RABGAP1L: variants seen among roughly 807,000 people sequenced by gnomAD.
RABGAP1L encodes the protein rab GTPase-activating protein 1-like.
Under a neutral mutation model 137.7 loss-of-function variants are expected in RABGAP1L, and 63 were observed. That is an observed-to-expected ratio of 0.46 (90% CI 0.37 to 0.56). The LOEUF (loss-of-function observed/expected upper bound fraction) is 0.56. Ranked by LOEUF, RABGAP1L falls within the 20% of genes least tolerant of loss-of-function variation. The probability of loss-of-function intolerance (pLI) is 0.00; values close to 1 mark genes in which losing one functional copy is unlikely to be tolerated. For synonymous variants in RABGAP1L, 431 were observed against 433.7 expected, an observed-to-expected ratio of 0.99 and a Z score of 0.08; for missense variants, 1,095 against 1,244.0, an observed-to-expected ratio of 0.88 and a Z score of 1.80.
intron 13 of RABGAP1L, among the ~76,000 whole-genome samples, chr1:174,618,785 A>G (rs1047145238): frequency 6.6e-6 from 1 of 152,232 alleles, no homozygotes; most frequent in African/African-American, 2.4e-5. Flanking sequence ...ACTAAGCTGG[A>G]TGGAGAATGA....
chr1:174,914,164 G>A (rs1660486796), intron 19 of RABGAP1L, among the ~76,000 whole-genome samples: 1 of 152,150 alleles, frequency 6.6e-6, no homozygotes, highest in South Asian at 2.1e-4. Flanking sequence ...CTAAAATCCA[G>A]TGGTTTTTCT....
intron 4 of RABGAP1L, among the ~76,000 whole-genome samples, chr1:174,237,031 C>G (rs1671258077): frequency 1.5e-5 from 2 of 135,740 alleles, no homozygotes; most frequent in South Asian, 2.5e-4. Flanking sequence ...TAATGGCCTT[C>G]TTTGTCTCTT....
At chr1:174,976,606 C>T (rs537940104) in intron 22 of RABGAP1L, among the ~76,000 whole-genome samples, 2 of 152,342 alleles carry the variant, frequency 1.3e-5, no homozygotes, top group Non-Finnish European at 2.9e-5. Context: ...AGTTGCCACA[C>T]AGCCCCTGCC....
intron 1 of RABGAP1L, among the ~76,000 whole-genome samples, chr1:174,202,558 G>C (rs1373294276): frequency 5.9e-5 from 9 of 152,022 alleles, no homozygotes; most frequent in Non-Finnish European, 1.2e-4. Context: ...TTAGCCCTTT[G>C]TCAGATGAGT....
chr1:174,851,723 G>T (rs545972368), intron 19 of RABGAP1L, among the ~76,000 whole-genome samples: 19 of 151,080 alleles, frequency 1.3e-4, no homozygotes, highest in African/African-American at 4.6e-4. Context: ...TCTCTCTGTG[G>T]TTGCCCAGGC....
At chr1:174,210,097 C>T (rs944813078) in intron 1 of RABGAP1L, among the ~76,000 whole-genome samples, 8 of 152,228 alleles carry the variant, frequency 5.3e-5, no homozygotes, top group African/African-American at 1.9e-4. Flanking sequence ...CACCTAAGTC[C>T]TTTTGAATGC....
intron 14 of RABGAP1L, among the ~76,000 whole-genome samples, chr1:174,641,077 A>G (rs898381825): frequency 1.3e-5 from 2 of 151,088 alleles, no homozygotes; most frequent in African/African-American, 2.4e-5. Flanking sequence ...ATTTTTGACA[A>G]TTCCTCATCA....
intron 13 of RABGAP1L, among the ~76,000 whole-genome samples, chr1:174,553,491 CCA>C (rs1482355649): frequency 1.3e-5 from 2 of 152,236 alleles, no homozygotes; most frequent in Non-Finnish European, 1.5e-5. Flanking sequence ...GTGAATTTTA[CCA>C]CACATTTTAG....
intron 13 of RABGAP1L, among the ~76,000 whole-genome samples, chr1:174,398,498 C>G (rs953371908): frequency 6.6e-6 from 1 of 151,958 alleles, no homozygotes; most frequent in Non-Finnish European, 1.5e-5. Flanking sequence ...GAGGGGCCCA[C>G]CACAAATAAC....
chr1:174,279,422 T>C (rs1294685082), intron 10 of RABGAP1L, among the ~76,000 whole-genome samples: 1 of 152,184 alleles, frequency 6.6e-6, no homozygotes, highest in Non-Finnish European at 1.5e-5. Context: ...TCTATTAGAA[T>C]AATGAACATC....
At chr1:174,336,853 ATGTGTGTGTGTG>A (rs148867931) in intron 11 of RABGAP1L, among the ~76,000 whole-genome samples, 3 of 146,468 alleles carry the variant, frequency 2.0e-5, no homozygotes, top group South Asian at 2.2e-4. Flanking sequence ...GTGTTTATAA[ATGTGTGTGTGTG>A]TGTGTGTGTG....
chr1:174,198,879 C>T (rs1331165077), intron 1 of RABGAP1L, among the ~76,000 whole-genome samples: 6 of 152,120 alleles, frequency 3.9e-5, no homozygotes, highest in East Asian at 1.9e-4. Context: ...GAGGCTGAGG[C>T]GGGTGGATCA....
chr1:174,608,000 T>A (rs1381448926), intron 13 of RABGAP1L, among the ~76,000 whole-genome samples: 1 of 152,144 alleles, frequency 6.6e-6, no homozygotes, highest in Non-Finnish European at 1.5e-5. Flanking sequence ...ATGTCGTGAA[T>A]CATGGCATTG....
intron 17 of RABGAP1L, among the ~76,000 whole-genome samples, chr1:174,724,217 G>C (rs536084745): frequency 6.6e-6 from 1 of 152,082 alleles, no homozygotes; most frequent in African/African-American, 2.4e-5. Flanking sequence ...TACATGATGT[G>C]GCTTTTTATA....
At chr1:174,752,806 T>G (rs1294395643) in intron 18 of RABGAP1L, among the ~76,000 whole-genome samples, 1 of 152,224 alleles carries the variant, frequency 6.6e-6, no homozygotes, top group African/African-American at 2.4e-5. Flanking sequence ...TGCAGTTCTT[T>G]CCATGATAGT....
At chr1:174,501,635 A>C (rs374854418) in intron 13 of RABGAP1L, among the ~76,000 whole-genome samples, 1 of 152,360 alleles carries the variant, frequency 6.6e-6, no homozygotes. Flanking sequence ...TTGCTGGCTT[A>C]AAAAATAATT....
At chr1:174,449,427 G>A (rs917786807) in intron 13 of RABGAP1L, among the ~76,000 whole-genome samples, 3 of 152,138 alleles carry the variant, frequency 2.0e-5, no homozygotes, top group Non-Finnish European at 4.4e-5. Context: ...GTATTAGTGT[G>A]CAGTAATAGG....
chr1:174,380,533 A>T (rs1001677826), intron 12 of RABGAP1L, among the ~76,000 whole-genome samples: 2 of 152,136 alleles, frequency 1.3e-5, no homozygotes, highest in African/African-American at 4.8e-5. Flanking sequence ...GTATGTGTCA[A>T]GGAATATATC....
At chr1:174,259,297 C>T (rs1032549064) in intron 7 of RABGAP1L, among the ~76,000 whole-genome samples, 25 of 152,076 alleles carry the variant, frequency 1.6e-4, no homozygotes, top group Admixed American at 3.3e-4. Context: ...TTATACTTAG[C>T]TACTTACTCC....
Sources: allele counts gnomAD v4.1 joint callset (sites outside exome capture counted in the v4.1 genomes callset), GRCh38; gene constraint gnomAD v4.1.1; transcripts MANE v1.5; gene names NCBI Gene and HGNC (gene_info 2026-07-23, HGNC 2026-07-21).